Variants in ARF1 observed in about 807,000 individuals in gnomAD.
ARF1 encodes the protein ADP-ribosylation factor 1.
In ARF1, 1 loss-of-function variant was observed where a neutral mutation model predicts 18.0. The observed-to-expected ratio is 0.06, with a 90% CI of 0.02 to 0.26. ARF1 has a LOEUF of 0.26. ARF1 is among the 10% of genes least tolerant of loss of function. ARF1 has a pLI of 1.00. For missense variants in ARF1, 73 were observed against 247.2 expected, an observed-to-expected ratio of 0.30 and a Z score of 4.73; for synonymous variants, 112 against 96.3, an observed-to-expected ratio of 1.16 and a Z score of -0.95.
intron 1 of ARF1, among the ~76,000 whole-genome samples, chr1:228,095,720 C>A (rs750701940): frequency 6.6e-6 from 1 of 152,166 alleles, no homozygotes. Context: ...AGGTCTTCCT[C>A]CCTTTTCTCT....
At chr1:228,090,520 C>T (rs2124848229) in intron 1 of ARF1, 1 of 152,382 alleles carries the variant, frequency 6.6e-6, no homozygotes. Flanking sequence ...TCCTTATTCT[C>T]AGCTTGTGTT....
At chr1:228,096,849 C>T (rs2032762345) in intron 1 of ARF1, among the ~76,000 whole-genome samples, 1 of 152,224 alleles carries the variant, frequency 6.6e-6, no homozygotes, top group Non-Finnish European at 1.5e-5. Context: ...GCTGTGGGGA[C>T]AGCTTCCCAA....
chr1:228,096,386 CCT>C (rs1446682795), intron 1 of ARF1: 1 of 152,292 alleles, frequency 6.6e-6, no homozygotes, highest in East Asian at 1.9e-4. Flanking sequence ...GATAAAATCA[CCT>C]GATTCGTGAA....
chr1:228,093,955 CAAAAAAA>C (rs869199671), intron 1 of ARF1, among the ~76,000 whole-genome samples: 47 of 51,152 alleles, frequency 9.2e-4, no homozygotes, highest in African/African-American at 2.9e-3. Context: ...GACTCTGTCT[CAAAAAAA>C]AAAAAAAAAA....
chr1:228,093,655 G>C (rs1244368427), intron 1 of ARF1, among the ~76,000 whole-genome samples: 1 of 151,696 alleles, frequency 6.6e-6, no homozygotes, highest in Admixed American at 6.6e-5. Context: ...GGGCGTGGTG[G>C]CTCACTCCTG....
In ARF1 at chr1:228,098,753, C is replaced by T. The variant is rs1295121122; in HGVS notation, c.*740C>T. The T allele has an allele frequency of 2.0e-5, 3 of 152,712 alleles. No homozygotes were observed. Among genetic ancestry groups the T allele is most frequent in the South Asian group, 2.1e-4 (1 of 4,836 alleles). 9.5% of individuals were successfully genotyped at this position (152,712 alleles called of 1,614,324 possible). ...ACCCACCTTCAGGCAGCCTATGGGA[C>T]GCAGGGCCCCATCTGTCCCTCGGTC... On this transcript the variant is annotated 3_prime_UTR_variant, in exon 5 of 5. Transcript: ENST00000272102.
intron 1 of ARF1, among the ~76,000 whole-genome samples, chr1:228,088,744 C>T (rs950964777): frequency 6.6e-6 from 1 of 152,164 alleles, no homozygotes; most frequent in African/African-American, 2.4e-5. Flanking sequence ...CTCTGGCCGC[C>T]ACCCTTGGTC....
rs552986915 is a variant in ARF1, at chr1:228,097,358, C to G, written c.165C>G (p.Thr55=). The G allele has an allele frequency of 6.2e-7, 1 of 1,614,002 alleles. No homozygotes were observed. The highest frequency in any genetic ancestry group is 8.5e-7 in the Non-Finnish European group (1 of 1,180,002). ...TIPTIGFNVE[T]VEYKNISFTV... ...CGCACCCAGGCTTCAACGTGGAAAC[C>G]GTGGAGTACAAGAACATCAGCTTCA... The change falls in exon 3 of 5, where the codon ACC becomes ACG. Residue 55 remains threonine (T), a synonymous_variant. Coordinates refer to ENST00000272102, the MANE Select transcript of ARF1 (RefSeq NM_001658.4). The surrounding 1 kb of genome is among the most constrained non-coding windows in gnomAD (Gnocchi z 8.1).
intron 1 of ARF1, chr1:228,090,982 C>T (rs1452528795): frequency 6.6e-6 from 1 of 152,234 alleles, no homozygotes; most frequent in Non-Finnish European, 1.5e-5. Context: ...AGCTGTGCAT[C>T]TGCAGATTTC....
chr1:228,097,562 A>C lies in ARF1; in HGVS notation c.260-29A>C. ...GATGCGGCAGGGGGGCTGTGTTCCC[A>C]TGACCATTTGACACTGGCTGCCCGG... On this transcript the variant is annotated intron_variant, in intron 3 of 4. Coordinates refer to ENST00000272102, the MANE Select transcript of ARF1 (RefSeq NM_001658.4). The surrounding 1 kb of genome is among the most constrained non-coding windows in gnomAD (Gnocchi z 8.1). 4 of 1,613,970 alleles carry C rather than the reference A, an allele frequency of 2.5e-6. No individual in the cohort carries two copies. The highest frequency in any genetic ancestry group is 8.5e-7 in the Non-Finnish European group (1 of 1,179,968).
rs1186504605 is a variant in ARF1 at position 228,097,503 on chromosome 1, G to A, written c.259+51G>A. Reference sequence around the variant, plus strand: ...GGGCACTCCTGCTTCTAGAGAGGGGGGGCCAGCCCATAGATGGGGCATCGA... The same window carrying A: ...GGGCACTCCTGCTTCTAGAGAGGGGAGGCCAGCCCATAGATGGGGCATCGA... On this transcript the variant is annotated intron_variant, in intron 3 of 4. Transcript: ENST00000272102. This position sits in a 1 kb window ranked among gnomAD's most constrained non-coding sequence, Gnocchi z 8.1. The A allele has an allele frequency of 6.2e-7, 1 of 1,613,732 alleles. No individual in the cohort carries two copies. The highest frequency in any genetic ancestry group is 2.2e-5 in the East Asian group (1 of 44,876).
chr1:228,093,216 G>T (rs2032626613), intron 1 of ARF1, among the ~76,000 whole-genome samples: 1 of 152,150 alleles, frequency 6.6e-6, no homozygotes, highest in Non-Finnish European at 1.5e-5. Flanking sequence ...TTTGGCTTGT[G>T]TGCAGGGACT....
chr1:228,084,566 T>A (rs1385057007), intron 1 of ARF1, among the ~76,000 whole-genome samples: 1 of 152,220 alleles, frequency 6.6e-6, no homozygotes, highest in Admixed American at 6.5e-5. Flanking sequence ...AGTTCTGGTT[T>A]TGTACATCAT....
chr1:228,091,399 G>A (rs111791585), intron 1 of ARF1, among the ~76,000 whole-genome samples: 2,655 of 152,228 alleles, frequency 0.017, 44 homozygotes, highest in African/African-American at 0.037. Flanking sequence ...TCACTGTGTC[G>A]AGTTGTAATG....
At chr1:228,090,096 G>T (rs1407766561) in intron 1 of ARF1, among the ~76,000 whole-genome samples, 1 of 152,260 alleles carries the variant, frequency 6.6e-6, no homozygotes, top group Non-Finnish European at 1.5e-5. Context: ...CTAGCAGATG[G>T]TTGGGATGTG....
intron 1 of ARF1, among the ~76,000 whole-genome samples, chr1:228,086,515 CAA>C (rs796644449): frequency 3.9e-4 from 36 of 92,728 alleles, no homozygotes; most frequent in Admixed American, 4.8e-4. Flanking sequence ...GACTTTGTCT[CAA>C]AAAAAAAAAA....
At position 228,089,652 on chromosome 1, in the gene ARF1, T is replaced by A. The variant is rs999788295; in HGVS notation, c.-38+6887T>A. On this transcript the variant is annotated intron_variant, in intron 1 of 4. Coordinates refer to ENST00000272102, the MANE Select transcript of ARF1 (RefSeq NM_001658.4). The surrounding 1 kb of genome is among the most constrained non-coding windows in gnomAD (Gnocchi z 4.1). ...TTTCTTTAACCTGGTGCGGAGAAGCTACAAGGGCCCCACCCCCTTCTAGTG... is the reference window on the plus strand; with the variant it reads ...TTTCTTTAACCTGGTGCGGAGAAGCAACAAGGGCCCCACCCCCTTCTAGTG... 1.3e-5 allele frequency among the ~76,000 whole-genome samples: 2 copies of A among 152,202 alleles called. No individual in the cohort carries two copies. Among genetic ancestry groups the A allele is most frequent in the Non-Finnish European group, 2.9e-5 (2 of 68,030 alleles).
chr1:228,084,970 G>C (rs1161064920), intron 1 of ARF1, among the ~76,000 whole-genome samples: 2 of 152,250 alleles, frequency 1.3e-5, no homozygotes, highest in Non-Finnish European at 2.9e-5. Flanking sequence ...AGAGGCTGCA[G>C]CCAGCCTGGG....
At chr1:228,085,126 A>AT (rs1247637950) in intron 1 of ARF1, among the ~76,000 whole-genome samples, 1 of 152,258 alleles carries the variant, frequency 6.6e-6, no homozygotes, top group Non-Finnish European at 1.5e-5. Flanking sequence ...GGGATCTTAA[A>AT]TTATGAGAAC....
Sources: gnomAD v4.1 joint callset for allele counts (sites outside exome capture counted in the v4.1 genomes callset) on GRCh38, gnomAD v4.1.1 for gene constraint, Gnocchi (gnomAD v3.1) non-coding constraint, MANE v1.5 for transcripts, NCBI Gene and HGNC (gene_info 2026-07-23, HGNC 2026-07-21) for gene names.